AKAP6: variants seen among roughly 807,000 people sequenced by gnomAD.
AKAP6 encodes the protein A-kinase anchor protein 6.
AKAP6 carries 58 observed loss-of-function variants against 188.5 expected under a neutral mutation model. The observed-to-expected ratio is 0.31, with a 90% confidence interval of 0.25 to 0.38. The LOEUF (loss-of-function observed/expected upper bound fraction) is 0.38, where lower values mean the gene tolerates loss of function less well. Among genes scored for constraint, AKAP6 ranks in the 10% least tolerant of loss-of-function variants. AKAP6 has a pLI of 1.00. For missense variants in AKAP6, 2,710 were observed against 2,740.0 expected (o/e 0.99, Z 0.24); for synonymous variants, 989 against 998.6 (o/e 0.99, Z 0.18).
intron 12 of AKAP6, among the ~76,000 whole-genome samples, chr14:32,787,989 C>T (rs1045558190): frequency 6.4e-5 from 9 of 140,362 alleles, no homozygotes; most frequent in South Asian, 2.2e-4. Context: ...TGCAATGAGC[C>T]GTAATTATAC....
intron 2 of AKAP6, among the ~76,000 whole-genome samples, chr14:32,463,372 C>T (rs547332088): frequency 3.3e-5 from 5 of 152,076 alleles, no homozygotes; most frequent in African/African-American, 4.8e-5. Flanking sequence ...TCACCAAATG[C>T]AAAATAATGG....
At chr14:32,690,339 A>G (rs1890126345) in intron 8 of AKAP6, among the ~76,000 whole-genome samples, 1 of 152,142 alleles carries the variant, frequency 6.6e-6, no homozygotes, top group Non-Finnish European at 1.5e-5. Flanking sequence ...TTTAAGTTGA[A>G]ATGTTGAGTT....
At position 32,680,619 on chromosome 14, in the gene AKAP6, A is replaced by G. The variant is rs76314055; in HGVS notation, c.2879+2160A>G. Reference sequence around the variant, plus strand: ...ATTCGTATCATTTTATTTCCTTCTCATGCCTACAAGCATGCTAAAAAGATT... The same window carrying G: ...ATTCGTATCATTTTATTTCCTTCTCGTGCCTACAAGCATGCTAAAAAGATT... On this transcript the variant is annotated intron_variant, in intron 8 of 13. Coordinates refer to ENST00000280979, the MANE Select transcript of AKAP6 (RefSeq NM_004274.5). Among the ~76,000 whole-genome samples, 812 of 152,324 alleles carry G rather than the reference A, an allele frequency of 5.3e-3. 6 individuals carry two copies. Among genetic ancestry groups the G allele is most frequent in the African/African-American group, 0.018 (750 of 41,568 alleles).
intron 11 of AKAP6, among the ~76,000 whole-genome samples, chr14:32,736,265 A>G (rs1210805048): frequency 2.0e-5 from 3 of 152,214 alleles, no homozygotes; most frequent in Non-Finnish European, 2.9e-5. Context: ...ATAAAAACAC[A>G]TGATTTAATC....
At chr14:32,503,162 A>G (rs1020686076) in intron 2 of AKAP6, among the ~76,000 whole-genome samples, 13 of 152,050 alleles carry the variant, frequency 8.5e-5, no homozygotes, top group Non-Finnish European at 1.3e-4. Context: ...GCTTAAAATT[A>G]TATTTCTTTT....
intron 2 of AKAP6, among the ~76,000 whole-genome samples, chr14:32,530,494 A>G (rs1254502829): frequency 6.6e-6 from 1 of 151,992 alleles, no homozygotes; most frequent in Non-Finnish European, 1.5e-5. Flanking sequence ...AGCCCTGGAG[A>G]TTGGCAATTT....
At chr14:32,388,106 CTTCTAGGTT>C (rs1415206777) in intron 1 of AKAP6, among the ~76,000 whole-genome samples, 1 of 152,046 alleles carries the variant, frequency 6.6e-6, no homozygotes, top group Non-Finnish European at 1.5e-5. Context: ...TTATCCATCT[CTTCTAGGTT>C]TTCTAGTTTA....
At chr14:32,551,946 G>A (rs112765754) in intron 4 of AKAP6, among the ~76,000 whole-genome samples, 10,400 of 152,054 alleles carry the variant, frequency 0.068, 512 homozygotes, top group Admixed American at 0.15. Context: ...GATTATAGGC[G>A]TGAGCCACCA....
intron 2 of AKAP6, among the ~76,000 whole-genome samples, chr14:32,509,174 G>T (rs1461453109): frequency 5.5e-5 from 8 of 145,018 alleles, no homozygotes; most frequent in African/African-American, 2.1e-4. Flanking sequence ...TCCAAGGCTG[G>T]AGTGCAGTGG....
chr14:32,813,683 T>G (rs2034306070), intron 12 of AKAP6, among the ~76,000 whole-genome samples: 1 of 152,106 alleles, frequency 6.6e-6, no homozygotes, highest in African/African-American at 2.4e-5. Flanking sequence ...AAATAGCACT[T>G]ATGTGGGCAG....
intron 1 of AKAP6, among the ~76,000 whole-genome samples, chr14:32,417,545 A>C (rs917356238): frequency 6.6e-6 from 1 of 152,130 alleles, no homozygotes; most frequent in African/African-American, 2.4e-5. Flanking sequence ...TGGAGGGTGG[A>C]GGGACAAAAA....
rs532136784 is a variant in AKAP6, at chr14:32,411,198, A to G, written c.-34-22262A>G. On this transcript the variant is annotated intron_variant, in intron 1 of 13. Coordinates refer to ENST00000280979, the MANE Select transcript of AKAP6 (RefSeq NM_004274.5). ...TACTAGACATTCTACAATGCACAGG[A>G]CAGCTCTCCACAACAAAGAATTTTC... Among the ~76,000 whole-genome samples, 24 of 152,312 alleles carry G rather than the reference A, an allele frequency of 1.6e-4. No homozygotes were observed. The South Asian group carries it at 2.3e-3, about 14-fold the overall frequency.
At chr14:32,692,450 C>A (rs910191137) in intron 8 of AKAP6, among the ~76,000 whole-genome samples, 1 of 152,100 alleles carries the variant, frequency 6.6e-6, no homozygotes, top group Non-Finnish European at 1.5e-5. Flanking sequence ...AAGGGGAAGG[C>A]AATTAACATT....
intron 11 of AKAP6, among the ~76,000 whole-genome samples, chr14:32,764,314 A>G (rs1594923345): frequency 1.3e-5 from 2 of 152,134 alleles, no homozygotes; most frequent in South Asian, 4.1e-4. Context: ...TGTTATTATA[A>G]CCACCCTGAG....
At chr14:32,726,068 C>A in intron 9 of AKAP6, 2 of 405,682 alleles carry the variant, frequency 4.9e-6, no homozygotes, top group Non-Finnish European at 6.7e-6. Context: ...TATTTCTGTG[C>A]AGTCATTTTG....
intron 2 of AKAP6, among the ~76,000 whole-genome samples, chr14:32,523,204 A>G (rs144917773): frequency 0.013 from 1,966 of 152,060 alleles, 53 homozygotes; most frequent in African/African-American, 0.044. Context: ...GGGAGGGATA[A>G]CATTAGGAGA....
Position 32,824,211 on chromosome 14 carries a change from G to T in AKAP6, c.6398G>T (p.Ser2133Ile). The change falls in exon 13 of 14, where the codon AGC (serine) becomes ATC (isoleucine). Residue 2133 changes from serine (S) to isoleucine (I), a missense_variant. Around this residue, in one of 2 missense-constraint regions of AKAP6, gnomAD observed 2,473 missense variants for 2,426.1 expected, o/e 1.02. Transcript: ENST00000280979. ...GTCACCAATTACATAGAAGAGAAAA[G>T]CAGCACTCCATTGCCACTAGACACC... The part of the protein sequence containing the change: ...GEVTNYIEEK[S>I]STPLPLDTTD... The T allele has an allele frequency of 6.2e-7, 1 of 1,613,978 alleles. No homozygotes were observed. Among genetic ancestry groups the T allele is most frequent in the Non-Finnish European group, 8.5e-7 (1 of 1,179,956 alleles).
At chr14:32,599,859 A>T (rs529367045) in intron 6 of AKAP6, among the ~76,000 whole-genome samples, 1 of 152,214 alleles carries the variant, frequency 6.6e-6, no homozygotes, top group Non-Finnish European at 1.5e-5. Flanking sequence ...GTTATAATGC[A>T]TACGCATTAG....
At chr14:32,653,488 C>T (rs1566627379) in intron 7 of AKAP6, among the ~76,000 whole-genome samples, 1 of 152,132 alleles carries the variant, frequency 6.6e-6, no homozygotes, top group Non-Finnish European at 1.5e-5. Context: ...CTGCATTCTC[C>T]ATGTGACACA....
Sources: allele counts gnomAD v4.1 joint callset (sites outside exome capture counted in the v4.1 genomes callset), GRCh38; gene constraint gnomAD v4.1.1; regional missense constraint gnomAD v4.1.1; transcripts MANE v1.5; gene names NCBI Gene and HGNC (gene_info 2026-07-23, HGNC 2026-07-21).